Variants in CAPZB observed in about 807,000 individuals in gnomAD.
The protein encoded by CAPZB is capping actin protein of muscle Z-line subunit beta, also known as F-actin-capping protein subunit beta.
CAPZB carries 2 observed loss-of-function variants against 38.1 expected under a neutral mutation model. That is an observed-to-expected ratio of 0.05 (90% CI 0.02 to 0.17). CAPZB has a LOEUF of 0.17. Ranked by LOEUF, CAPZB falls within the 10% of genes least tolerant of loss-of-function variation. The pLI, the probability that CAPZB is intolerant of heterozygous loss-of-function variation, is 1.00. For missense variants in CAPZB, 161 were observed against 334.2 expected (o/e 0.48, Z 4.04); for synonymous variants, 107 against 127.4 (o/e 0.84, Z 1.08).
chr1:19,447,402 T>TGTA (rs2100676179), intron 1 of CAPZB, among the ~76,000 whole-genome samples: 1 of 140,304 alleles, frequency 7.1e-6, no homozygotes, highest in Non-Finnish European at 1.5e-5. Flanking sequence ...TTTTTTTTTT[T>TGTA]TTTTGGATTT....
At chr1:19,351,368 T>C (rs2093990789) in intron 6 of CAPZB, among the ~76,000 whole-genome samples, 1 of 152,014 alleles carries the variant, frequency 6.6e-6, no homozygotes, top group Non-Finnish European at 1.5e-5. Context: ...AATGCAATGG[T>C]GCAATCATAG....
At chr1:19,427,730 C>A (rs373933613) in intron 1 of CAPZB, among the ~76,000 whole-genome samples, 127 of 152,308 alleles carry the variant, frequency 8.3e-4, no homozygotes, top group African/African-American at 2.9e-3. Flanking sequence ...CACAAACACA[C>A]GAATACTCCT....
At chr1:19,340,467 T>C (rs1366082540) in intron 8 of CAPZB, among the ~76,000 whole-genome samples, 1 of 152,202 alleles carries the variant, frequency 6.6e-6, no homozygotes, top group South Asian at 2.1e-4. Context: ...TTATGGAGAT[T>C]TCACAGTTTA....
At chr1:19,464,002 C>CT (rs1358697382) in intron 1 of CAPZB, among the ~76,000 whole-genome samples, 1 of 139,194 alleles carries the variant, frequency 7.2e-6, no homozygotes, top group Non-Finnish European at 1.5e-5. Context: ...TGGTGAACCC[C>CT]TATCTCTACT....
chr1:19,465,882 A>G (rs1009543305), intron 1 of CAPZB, among the ~76,000 whole-genome samples: 2 of 152,142 alleles, frequency 1.3e-5, no homozygotes, highest in Non-Finnish European at 2.9e-5. Context: ...GACCAACAAC[A>G]TGTACGGAGC....
chr1:19,429,339 C>T (rs796198052), intron 1 of CAPZB, among the ~76,000 whole-genome samples: 65 of 152,100 alleles, frequency 4.3e-4, no homozygotes, highest in African/African-American at 1.5e-3. Flanking sequence ...AACTTGGGGT[C>T]CAGAGTCACA....
At chr1:19,453,771 A>T (rs2094524264) in intron 1 of CAPZB, among the ~76,000 whole-genome samples, 4 of 152,190 alleles carry the variant, frequency 2.6e-5, no homozygotes, top group Admixed American at 2.6e-4. Context: ...CTTGTTCACC[A>T]TCCCTGTGAA....
intron 1 of CAPZB, among the ~76,000 whole-genome samples, chr1:19,454,802 G>A (rs2094527843): frequency 6.6e-6 from 1 of 152,218 alleles, no homozygotes; most frequent in Non-Finnish European, 1.5e-5. Flanking sequence ...TGAGGCAAAG[G>A]CAGAACCATT....
rs2094027874 is a variant in CAPZB at position 19,357,419 on chromosome 1, T to C, written c.471+3A>G. On this transcript the variant is annotated splice_donor_region_variant and intron_variant, in intron 5 of 8. Coordinates refer to ENST00000264202, the MANE Select transcript of CAPZB (RefSeq NM_004930.5). This position sits in a 1 kb window ranked among gnomAD's most constrained non-coding sequence, Gnocchi z 4.3. ...CGGGCCACCAGCTGCTGGGAGGCAG[T>C]ACCTGCACTTCTACCACGTGGATGG... 6.2e-7 allele frequency: 1 copy of C among 1,613,540 alleles called. No individual in the cohort carries two copies. The highest frequency in any genetic ancestry group is 1.7e-5 in the Admixed American group (1 of 60,004).
intron 1 of CAPZB, among the ~76,000 whole-genome samples, chr1:19,435,856 A>T (rs1172160899): frequency 1.3e-5 from 2 of 152,210 alleles, no homozygotes; most frequent in African/African-American, 4.8e-5. Flanking sequence ...TTTGTTTTAA[A>T]GTCTCCAAAA....
chr1:19,382,674 C>T (rs2094181822), intron 3 of CAPZB, among the ~76,000 whole-genome samples: 1 of 152,136 alleles, frequency 6.6e-6, no homozygotes, highest in Non-Finnish European at 1.5e-5. Context: ...AAGGGGTGAC[C>T]TGGAAGGGCT....
intron 4 of CAPZB, among the ~76,000 whole-genome samples, chr1:19,376,574 C>G (rs1348127505): frequency 1.3e-5 from 2 of 152,230 alleles, no homozygotes; most frequent in Non-Finnish European, 2.9e-5. Flanking sequence ...AACCAGCCCC[C>G]CTGCCTGGCT....
intron 1 of CAPZB, among the ~76,000 whole-genome samples, chr1:19,433,891 C>T (rs947907255): frequency 2.0e-5 from 3 of 148,016 alleles, no homozygotes; most frequent in Non-Finnish European, 3.0e-5. Flanking sequence ...TACAGCACCA[C>T]GCTCTACACT....
intron 7 of CAPZB, 144 bp downstream of exon 7, chr1:19,345,043 C>A: frequency 1.4e-6 from 1 of 691,104 alleles, no homozygotes; most frequent in Non-Finnish European, 2.5e-6. Context: ...AATATGAGGC[C>A]AGGGCAAAAT....
intron 2 of CAPZB, among the ~76,000 whole-genome samples, chr1:19,411,209 T>A (rs2094355658): frequency 6.6e-6 from 1 of 152,180 alleles, no homozygotes; most frequent in African/African-American, 2.4e-5. Flanking sequence ...ATTTTCTATG[T>A]TTAATTTAAA....
intron 2 of CAPZB, among the ~76,000 whole-genome samples, chr1:19,387,466 T>G (rs2094210233): frequency 6.6e-6 from 1 of 152,246 alleles, no homozygotes; most frequent in African/African-American, 2.4e-5. Context: ...GAGGCCTTGC[T>G]GTGCTGCCAC....
intron 4 of CAPZB, among the ~76,000 whole-genome samples, chr1:19,369,181 C>T (rs559341129): frequency 2.0e-5 from 3 of 152,348 alleles, no homozygotes; most frequent in Admixed American, 1.3e-4. Context: ...AGCAACCAGA[C>T]ACTGGCCTGC....
intron 1 of CAPZB, chr1:19,448,717 GATTCC>G (rs1438996807): frequency 7.7e-7 from 1 of 1,301,316 alleles, no homozygotes; most frequent in East Asian, 2.5e-5. Context: ...GTGCCTTGTG[GATTCC>G]ATCAGCTTTG....
intron 2 of CAPZB, among the ~76,000 whole-genome samples, chr1:19,395,054 A>G (rs4912084): frequency 0.68 from 103,196 of 152,000 alleles, 35,511 homozygotes; most frequent in African/African-American, 0.8. Context: ...TTCTGAGCAC[A>G]TTTAGGGTCA....
Sources: gnomAD v4.1 joint callset for allele counts (sites outside exome capture counted in the v4.1 genomes callset) on GRCh38, gnomAD v4.1.1 for gene constraint, Gnocchi (gnomAD v3.1) non-coding constraint, MANE v1.5 for transcripts, NCBI Gene and HGNC (gene_info 2026-07-23, HGNC 2026-07-21) for gene names.